EML4: variants seen among roughly 807,000 people sequenced by gnomAD.
EML4 encodes the protein EMAP like 4, also known as echinoderm microtubule-associated protein-like 4.
In EML4, 72 loss-of-function variants were observed where a neutral mutation model predicts 129.0. The ratio of observed to expected loss-of-function variants is 0.56; its 90% CI spans 0.46 to 0.68. EML4 has a LOEUF of 0.68. Ranked by LOEUF, EML4 falls within the 30% of genes least tolerant of loss-of-function variation. EML4 has a pLI of 0.00. For missense variants in EML4, 1,363 were observed against 1,190.6 expected (o/e 1.14, Z -2.13); for synonymous variants, 532 against 405.0 (o/e 1.31, Z -3.77).
intron 8 of EML4, 87 bp from the exon 9 acceptor site, chr2:42,284,547 A>G: frequency 2.5e-6 from 2 of 811,144 alleles, no homozygotes; most frequent in Non-Finnish European, 3.9e-6. Context: ...ACGATTAAAA[A>G]CTGCTTATTT....
intron 4 of EML4, among the ~76,000 whole-genome samples, chr2:42,261,947 C>T (rs954946902): frequency 1.3e-5 from 2 of 152,114 alleles, no homozygotes; most frequent in South Asian, 2.1e-4. Flanking sequence ...GAATCTAAAC[C>T]TGCATGCTGG....
chr2:42,224,737 A>G (rs922391631), intron 1 of EML4, among the ~76,000 whole-genome samples: 2 of 152,078 alleles, frequency 1.3e-5, no homozygotes, highest in African/African-American at 4.8e-5. Flanking sequence ...AGCCATCCTG[A>G]TGGTGTGAAG....
At chr2:42,261,058 A>G (rs2302345) in intron 3 of EML4, 63 bp from the exon 4 acceptor site, 443,585 of 1,244,334 alleles carry the variant, frequency 0.36, 84,731 homozygotes, top group East Asian at 0.56. Flanking sequence ...TCACTTTTCT[A>G]TCGTTTGATT....
At chr2:42,233,305 C>CTT (rs1193200087) in intron 1 of EML4, among the ~76,000 whole-genome samples, 143 of 146,742 alleles carry the variant, frequency 9.7e-4, no homozygotes, top group African/African-American at 3.4e-3. Flanking sequence ...TTACAGGTTT[C>CTT]TTTCTTTTTT....
At chr2:42,221,227 A>T (rs536776242) in intron 1 of EML4, among the ~76,000 whole-genome samples, 1 of 152,210 alleles carries the variant, frequency 6.6e-6, no homozygotes, top group Admixed American at 6.5e-5. Context: ...CTGGCTTCAA[A>T]GGACAAGCTG....
chr2:42,191,722 G>A (rs1047941013), intron 1 of EML4, among the ~76,000 whole-genome samples: 1 of 152,074 alleles, frequency 6.6e-6, no homozygotes, highest in South Asian at 2.1e-4. Context: ...TCTCTTTGCC[G>A]TTGCCACTTT....
At chr2:42,260,123 G>A (rs1012883900) in intron 3 of EML4, among the ~76,000 whole-genome samples, 14 of 151,018 alleles carry the variant, frequency 9.3e-5, no homozygotes, top group African/African-American at 2.9e-4. Flanking sequence ...CCTTGGCCTC[G>A]CAAAGTACTG....
chr2:42,308,562 A>C (rs1330206671), intron 17 of EML4, among the ~76,000 whole-genome samples: 2 of 152,184 alleles, frequency 1.3e-5, no homozygotes, highest in Non-Finnish European at 1.5e-5. Flanking sequence ...GTTGAGATAT[A>C]ATTCACATAA....
Position 42,212,734 on chromosome 2 carries a change from A to T in EML4, c.26-32771A>T, listed in dbSNP as rs555913759. ...CTTCATGCATTTCTATATCTTTATC[A>T]CATTTTCCAGTGTTTCTCCCAGGGC... On this transcript the variant is annotated intron_variant, in intron 1 of 22. Coordinates refer to ENST00000318522, the MANE Select transcript of EML4 (RefSeq NM_019063.5). Among the ~76,000 whole-genome samples the T allele has an allele frequency of 1.1e-4, 16 of 152,346 alleles. No homozygotes were observed. In the South Asian group the frequency reaches 3.3e-3, roughly 32 times the overall value.
intron 1 of EML4, among the ~76,000 whole-genome samples, chr2:42,172,550 C>G (rs907307245): frequency 1.3e-5 from 2 of 152,108 alleles, no homozygotes; most frequent in Non-Finnish European, 2.9e-5. Context: ...GAATTTCAGG[C>G]AACTTGGCTG....
At chr2:42,302,816 G>A (rs1479856844) in intron 14 of EML4, among the ~76,000 whole-genome samples, 2 of 152,156 alleles carry the variant, frequency 1.3e-5, no homozygotes, top group Admixed American at 1.3e-4. Context: ...TTACAGGTGT[G>A]AGCCACCATG....
chr2:42,236,691 T>C (rs1337397014), intron 1 of EML4, among the ~76,000 whole-genome samples: 1 of 152,188 alleles, frequency 6.6e-6, no homozygotes, highest in African/African-American at 2.4e-5. Context: ...TGCTGGGTCA[T>C]AGGATGTGTG....
intron 13 of EML4, among the ~76,000 whole-genome samples, chr2:42,296,165 GA>G (rs914940918): frequency 1.3e-5 from 2 of 151,914 alleles, no homozygotes; most frequent in Non-Finnish European, 2.9e-5. Flanking sequence ...ATCAAACTTT[GA>G]AAAAAATGTC....
At chr2:42,233,013 T>C (rs945942192) in intron 1 of EML4, among the ~76,000 whole-genome samples, 1 of 152,094 alleles carries the variant, frequency 6.6e-6, no homozygotes, top group Admixed American at 6.5e-5. Flanking sequence ...TGAGCCGCTG[T>C]GCCTGGCCTG....
chr2:42,219,032 T>C (rs1219240335), intron 1 of EML4, among the ~76,000 whole-genome samples: 2 of 152,234 alleles, frequency 1.3e-5, no homozygotes, highest in Non-Finnish European at 2.9e-5. Flanking sequence ...CTCCAAAATT[T>C]AACTGAAACA....
intron 10 of EML4, 57 bp downstream of exon 10, chr2:42,286,436 T>G (rs1256480694): frequency 1.0e-5 from 11 of 1,087,570 alleles, no homozygotes; most frequent in Non-Finnish European, 1.6e-5. Context: ...GGAAAGAAGT[T>G]AAGCTCAGTT....
At chr2:42,211,871 G>T (rs968588850) in intron 1 of EML4, among the ~76,000 whole-genome samples, 1 of 151,918 alleles carries the variant, frequency 6.6e-6, no homozygotes, top group Non-Finnish European at 1.5e-5. Context: ...TTTCGAGACA[G>T]TTTCACTCTG....
intron 1 of EML4, among the ~76,000 whole-genome samples, chr2:42,176,062 C>A (rs958028923): frequency 2.6e-5 from 4 of 151,510 alleles, no homozygotes; most frequent in African/African-American, 9.7e-5. Flanking sequence ...TTCTCTACTC[C>A]AATACTGACT....
chr2:42,195,209 CAA>C (rs1298333203), intron 1 of EML4, among the ~76,000 whole-genome samples: 1 of 152,014 alleles, frequency 6.6e-6, no homozygotes, highest in East Asian at 1.9e-4. Flanking sequence ...TGTTTCATTG[CAA>C]GTAAGAGGGT....
Sources: gnomAD v4.1 joint callset for allele counts (sites outside exome capture counted in the v4.1 genomes callset) on GRCh38, gnomAD v4.1.1 for gene constraint, MANE v1.5 for transcripts, NCBI Gene and HGNC (gene_info 2026-07-23, HGNC 2026-07-21) for gene names.